The following GPR155 variants were observed in gnomAD, a reference collection of about 807,000 sequenced individuals.
GPR155 encodes the protein lysosomal cholesterol signaling protein.
GPR155 carries 65 observed loss-of-function variants against 93.1 expected under a neutral mutation model. The observed-to-expected ratio is 0.70, with a 90% CI of 0.57 to 0.86. GPR155 has a LOEUF of 0.86. Ranked by LOEUF, GPR155 falls within the 40% of genes least tolerant of loss-of-function variation. GPR155 has a pLI of 0.00. For synonymous variants in GPR155, 319 were observed against 360.1 expected (o/e 0.89, Z 1.29); for missense variants, 838 against 1,034.8 (o/e 0.81, Z 2.61).
At chr2:174,478,489 G>T (rs762675203) in intron 2 of GPR155, among the ~76,000 whole-genome samples, 6 of 152,058 alleles carry the variant, frequency 3.9e-5, no homozygotes, top group Non-Finnish European at 5.9e-5. Context: ...CAAAATGTTG[G>T]GATTACAGGC....
At chr2:174,474,492 G>A (rs2105730743) in intron 2 of GPR155, among the ~76,000 whole-genome samples, 2 of 152,076 alleles carry the variant, frequency 1.3e-5, no homozygotes, top group South Asian at 4.2e-4. Flanking sequence ...TACCCTCTTG[G>A]GAAAACAAAA....
intron 7 of GPR155, among the ~76,000 whole-genome samples, chr2:174,465,169 CT>C (rs1487356908): frequency 6.6e-6 from 1 of 152,090 alleles, no homozygotes; most frequent in African/African-American, 2.4e-5. Flanking sequence ...TCACTGGGTC[CT>C]TTTCTATTTC....
chr2:174,467,896 C>T (rs887564118), intron 5 of GPR155, among the ~76,000 whole-genome samples: 3 of 152,088 alleles, frequency 2.0e-5, no homozygotes, highest in African/African-American at 7.2e-5. Context: ...ACCACCATGC[C>T]TGACTAATTT....
In GPR155 at chr2:174,440,049, T is replaced by A. The variant is rs1182887323; in HGVS notation, c.2175-14A>T. The A allele has an allele frequency of 3.1e-6, 5 of 1,602,780 alleles. No individual in the cohort carries two copies. Among genetic ancestry groups the A allele is most frequent in the Non-Finnish European group, 4.3e-6 (5 of 1,174,702 alleles). ...AGGAATTCAAGTCTGAAAATCAAAT[T>A]TATGGCCATTTTTAAGGACAGAAAA... On this transcript the variant is annotated splice_polypyrimidine_tract_variant and intron_variant, in intron 14 of 15. Coordinates refer to ENST00000392552, the MANE Select transcript of GPR155 (RefSeq NM_152529.7).
chr2:174,454,613 C>T (rs1008095280), intron 10 of GPR155, among the ~76,000 whole-genome samples: 2 of 148,088 alleles, frequency 1.4e-5, no homozygotes, highest in African/African-American at 5.0e-5. Context: ...AGTCACGCTC[C>T]AGCCTGGGGA....
At chr2:174,438,770 G>A (rs760122550) in intron 15 of GPR155, among the ~76,000 whole-genome samples, 6 of 152,184 alleles carry the variant, frequency 3.9e-5, no homozygotes, top group Admixed American at 1.3e-4. Flanking sequence ...GCCTCCTAAA[G>A]TGCTGGGATT....
intron 14 of GPR155, among the ~76,000 whole-genome samples, chr2:174,441,513 A>G (rs1431472535): frequency 6.6e-6 from 1 of 151,948 alleles, no homozygotes; most frequent in Non-Finnish European, 1.5e-5. Flanking sequence ...TACATGTGCC[A>G]TGTTGGTGTG....
At chr2:174,464,780 TG>T (rs1687793621) in intron 7 of GPR155, among the ~76,000 whole-genome samples, 1 of 152,146 alleles carries the variant, frequency 6.6e-6, no homozygotes, top group Non-Finnish European at 1.5e-5. Flanking sequence ...CTATGCAAGA[TG>T]TAGTTGCCTT....
intron 12 of GPR155, 69 bp from the exon 13 acceptor site, chr2:174,445,245 A>G (rs1687085441): frequency 2.6e-6 from 2 of 768,856 alleles, no homozygotes; most frequent in African/African-American, 1.7e-5. Context: ...TCCACAGCAT[A>G]GTACAATAAC....
chr2:174,442,924 C>G (rs1296517388), intron 13 of GPR155, among the ~76,000 whole-genome samples: 1 of 152,180 alleles, frequency 6.6e-6, no homozygotes, highest in Non-Finnish European at 1.5e-5. Context: ...TGTCTTGCTC[C>G]ATTGAACCAC....
intron 13 of GPR155, among the ~76,000 whole-genome samples, 199 bp from the exon 14 acceptor site, chr2:174,442,382 C>T (rs1686991866): frequency 6.6e-6 from 1 of 152,172 alleles, no homozygotes; most frequent in East Asian, 1.9e-4. Context: ...CATTCTATCC[C>T]ACTCATTGTG....
Position 174,479,603 on chromosome 2 carries a change from T to C in GPR155, c.460+1894A>G, listed in dbSNP as rs539797159. Among the ~76,000 whole-genome samples, 101 of 152,354 alleles carry C rather than the reference T, an allele frequency of 6.6e-4. 1 individual carries two copies. Among genetic ancestry groups the C allele is most frequent in the Admixed American group, 6.6e-3 (101 of 15,304 alleles). ...ACTCTGTAAACTACATAGTTATAAATGTTAGTTCTATTTCATTATCGGCTC... is the reference window on the plus strand; with the variant it reads ...ACTCTGTAAACTACATAGTTATAAACGTTAGTTCTATTTCATTATCGGCTC... On this transcript the variant is annotated intron_variant, in intron 2 of 15. Transcript: ENST00000392552.
At chr2:174,451,029 G>A (rs963735380) in intron 11 of GPR155, among the ~76,000 whole-genome samples, 10 of 152,138 alleles carry the variant, frequency 6.6e-5, no homozygotes, top group Non-Finnish European at 1.5e-4. Context: ...TTGTGTACAA[G>A]CCAGGCACGG....
At chr2:174,466,655 T>A (rs1421977445) in intron 5 of GPR155, 28 bp from the exon 6 acceptor site, 1 of 1,170,670 alleles carries the variant, frequency 8.5e-7, no homozygotes, top group Admixed American at 2.0e-5. Flanking sequence ...CAAAAGTTAT[T>A]CATGTTTCTT....
chr2:174,432,698 A>G lies in GPR155; in HGVS notation c.*3418T>C, dbSNP rs1388359553. The G allele has an allele frequency of 6.6e-6, 1 of 151,818 alleles. No homozygotes were observed. The highest frequency in any genetic ancestry group is 1.5e-5 in the Non-Finnish European group (1 of 67,964). 9.4% of individuals were successfully genotyped at this position (151,818 alleles called of 1,614,324 possible). On this transcript the variant is annotated 3_prime_UTR_variant, in exon 16 of 16. Transcript: ENST00000392552. ...CCTAATCACAACTTAAAATTGGTATAGGTTAATAGTACACTAAAGTATAAT... is the reference window on the plus strand; with the variant it reads ...CCTAATCACAACTTAAAATTGGTATGGGTTAATAGTACACTAAAGTATAAT...
intron 10 of GPR155, among the ~76,000 whole-genome samples, chr2:174,457,673 T>A (rs1014395469): frequency 1.3e-5 from 2 of 152,222 alleles, no homozygotes; most frequent in African/African-American, 4.8e-5. Context: ...GCCAGGCTGA[T>A]CTCAAACTCC....
At chr2:174,445,368 T>C (rs1291372906) in intron 12 of GPR155, 192 bp from the exon 13 acceptor site, 2 of 525,506 alleles carry the variant, frequency 3.8e-6, no homozygotes, top group Admixed American at 3.5e-5. Flanking sequence ...ACAGATGTCA[T>C]TCAAACAGTT....
At position 174,460,082 on chromosome 2, in the gene GPR155, T is replaced by C; in HGVS notation, c.1567A>G (p.Thr523Ala). The C allele has an allele frequency of 6.2e-7, 1 of 1,610,610 alleles. No individual in the cohort carries two copies. The highest frequency in any genetic ancestry group is 8.5e-7 in the Non-Finnish European group (1 of 1,178,740). ...AFFYGKEQMI[T>A]TAVTLFCSIL... Reference sequence around the variant, plus strand: ...CTGCAGAACAGGGTGACTGCTGTGGTGATCATCTGCCGACATGAAAAAAAG... The same window carrying C: ...CTGCAGAACAGGGTGACTGCTGTGGCGATCATCTGCCGACATGAAAAAAAG... Residue 523 changes from threonine to alanine, a missense_variant, in exon 10 of 16, where the codon ACC becomes GCC. Thr to Ala is a moderately conservative substitution (Grantham distance 58). Transcript: ENST00000392552.
At position 174,472,993 on chromosome 2, in the gene GPR155, C is replaced by T; in HGVS notation, c.832G>A (p.Val278Ile). The T allele has an allele frequency of 6.3e-7, 1 of 1,592,222 alleles. No individual in the cohort carries two copies. The highest frequency in any genetic ancestry group is 8.5e-7 in the Non-Finnish European group (1 of 1,174,980). ...IKRLKKSAFV[V>I]LILLITAKLL... ...TTAGCTGTGATGAGAAGAATTAGTACTACAAATGCCGACTTCTTCAGTCTC... is the reference window on the plus strand; with the variant it reads ...TTAGCTGTGATGAGAAGAATTAGTATTACAAATGCCGACTTCTTCAGTCTC... The change falls in exon 3 of 16, where the codon GTA becomes ATA. Residue 278 changes from valine to isoleucine, a missense_variant. Around this residue, in one of 3 missense-constraint regions of GPR155, gnomAD observed 663 missense variants for 790.1 expected, o/e 0.84. Coordinates refer to ENST00000392552, the MANE Select transcript of GPR155 (RefSeq NM_152529.7).
Sources: allele counts gnomAD v4.1 joint callset (sites outside exome capture counted in the v4.1 genomes callset), GRCh38; gene constraint gnomAD v4.1.1; regional missense constraint gnomAD v4.1.1; transcripts MANE v1.5; gene names NCBI Gene and HGNC (gene_info 2026-07-23, HGNC 2026-07-21).